Variants in DSCAML1 observed in about 807,000 individuals in gnomAD.
DSCAML1 encodes DS cell adhesion molecule like 1.
A neutral mutation model predicts 200.5 loss-of-function variants in DSCAML1; 38 were observed. That is an observed-to-expected ratio of 0.19 (90% confidence interval 0.15 to 0.25). The LOEUF (loss-of-function observed/expected upper bound fraction) is 0.25. Among genes scored for constraint, DSCAML1 ranks in the 10% least tolerant of loss-of-function variants. The pLI, the probability that DSCAML1 is intolerant of heterozygous loss-of-function variation, is 1.00. For synonymous variants in DSCAML1, 1,215 were observed against 1,165.0 expected (o/e 1.04, Z -0.87); for missense variants, 2,223 against 2,858.8 (o/e 0.78, Z 5.07).
At chr11:117,488,446 A>G (rs754748708) in intron 11 of DSCAML1, among the ~76,000 whole-genome samples, 1 of 152,184 alleles carries the variant, frequency 6.6e-6, no homozygotes, top group Non-Finnish European at 1.5e-5. Context: ...TGTACCTCAC[A>G]GGGCTTTTTG....
chr11:117,661,510 G>T (rs1030522504), intron 3 of DSCAML1, among the ~76,000 whole-genome samples: 2 of 152,182 alleles, frequency 1.3e-5, no homozygotes, highest in African/African-American at 4.8e-5. Flanking sequence ...TTGCAAGGTC[G>T]TAACTAGAGG....
intron 1 of DSCAML1, among the ~76,000 whole-genome samples, chr11:117,809,740 G>C (rs962416360): frequency 6.6e-6 from 1 of 152,088 alleles, no homozygotes. Flanking sequence ...GCCGCGCAGC[G>C]CTCCAGATGC....
intron 27 of DSCAML1, among the ~76,000 whole-genome samples, chr11:117,434,792 T>TCATC (rs572141989): frequency 5.5e-4 from 83 of 151,626 alleles, no homozygotes; most frequent in South Asian, 2.1e-3. Context: ...ATCCACCCAA[T>TCATC]CATCCATCCA....
chr11:117,727,049 C>A (rs552228500), intron 3 of DSCAML1, among the ~76,000 whole-genome samples: 49 of 152,060 alleles, frequency 3.2e-4, no homozygotes, highest in Non-Finnish European at 5.7e-4. Flanking sequence ...ACTATCCACA[C>A]CTTGTACATT....
chr11:117,559,333 C>T (rs1008881352), intron 3 of DSCAML1, among the ~76,000 whole-genome samples: 8 of 152,154 alleles, frequency 5.3e-5, no homozygotes, highest in African/African-American at 1.9e-4. Flanking sequence ...GCCAAATCTT[C>T]ACATTCCTTG....
intron 14 of DSCAML1, among the ~76,000 whole-genome samples, chr11:117,473,195 G>C (rs754147041): frequency 3.3e-5 from 5 of 152,054 alleles, no homozygotes; most frequent in Non-Finnish European, 7.4e-5. Context: ...TTTTTTTTTG[G>C]TTAAAACTAA....
rs1363563960 is a variant in DSCAML1 at position 117,782,258 on chromosome 11, C to T, written c.47-1448G>A. On this transcript the variant is annotated intron_variant, in intron 1 of 32. Coordinates refer to ENST00000651296, the MANE Select transcript of DSCAML1 (RefSeq NM_020693.4). ...ATACCAGGCAGCTCGTTGAGGAAGG[C>T]CATTAAGCCTCATTGGTCAGAGCAA... Among the ~76,000 whole-genome samples the T allele has an allele frequency of 6.6e-5, 10 of 152,162 alleles. 1 individual carries two copies. Among genetic ancestry groups the T allele is most frequent in the Admixed American group, 6.5e-4 (10 of 15,280 alleles).
intron 3 of DSCAML1, among the ~76,000 whole-genome samples, chr11:117,763,673 C>G (rs2054845392): frequency 6.6e-6 from 1 of 151,184 alleles, no homozygotes; most frequent in Non-Finnish European, 1.5e-5. Flanking sequence ...ACTGACACAG[C>G]CTCCCTTGCC....
intron 4 of DSCAML1, among the ~76,000 whole-genome samples, chr11:117,526,870 G>T (rs1483896394): frequency 6.6e-6 from 1 of 152,020 alleles, no homozygotes; most frequent in East Asian, 1.9e-4. Context: ...AGGCATAGTA[G>T]CTCATGCCTG....
In DSCAML1 at chr11:117,518,508, A is replaced by T; in HGVS notation, c.1468T>A (p.Leu490Met). The T allele has an allele frequency of 6.2e-7, 1 of 1,614,170 alleles. No homozygotes were observed. Among genetic ancestry groups the T allele is most frequent in the Non-Finnish European group, 8.5e-7 (1 of 1,180,022 alleles). Residue 490 changes from leucine to methionine, a missense_variant, in exon 7 of 33, where the codon TTG (leucine) becomes ATG (methionine). This residue lies in a region of DSCAML1 where 579 missense variants were observed against 721.5 expected (regional missense o/e 0.80). Transcript: ENST00000651296. This position sits in a 1 kb window ranked among gnomAD's most constrained non-coding sequence, Gnocchi z 6.3. ...GGVYRCTARN[L>M]VGSAEYQARI... ...GCCTGATATTCAGCACTGCCCACCA[A>T]GTTCCGCGCTGTGCACCGGTACACG...
At chr11:117,461,395 T>G in intron 18 of DSCAML1, 55 bp downstream of exon 18, 2 of 1,609,858 alleles carry the variant, frequency 1.2e-6, no homozygotes, top group Non-Finnish European at 1.7e-6. Context: ...GGAAGCAGAC[T>G]CCACTGACCT....
intron 3 of DSCAML1, among the ~76,000 whole-genome samples, chr11:117,550,195 C>A (rs2050444553): frequency 6.6e-6 from 1 of 152,184 alleles, no homozygotes; most frequent in Admixed American, 6.5e-5. Flanking sequence ...ATAATTTCCA[C>A]TATGTTCTAG....
At chr11:117,432,596 A>C in intron 29 of DSCAML1, 92 bp from the exon 30 acceptor site, 1 of 1,411,800 alleles carries the variant, frequency 7.1e-7, no homozygotes, top group Admixed American at 2.1e-5. Flanking sequence ...TCTTTATCCA[A>C]TGTGTTTTTT....
intron 3 of DSCAML1, among the ~76,000 whole-genome samples, chr11:117,643,946 C>T (rs1223527233): frequency 1.3e-5 from 2 of 152,238 alleles, no homozygotes; most frequent in Non-Finnish European, 2.9e-5. Flanking sequence ...CTGGAACGTT[C>T]AGCCCAAGCC....
intron 3 of DSCAML1, among the ~76,000 whole-genome samples, chr11:117,651,702 ACT>A (rs1469117593): frequency 8.5e-6 from 1 of 118,138 alleles, no homozygotes; most frequent in African/African-American, 3.4e-5. Context: ...ACAGAGCAAG[ACT>A]CTGTCTCAAA....
chr11:117,794,588 C>T (rs1220792977), intron 1 of DSCAML1, among the ~76,000 whole-genome samples: 3 of 151,958 alleles, frequency 2.0e-5, no homozygotes, highest in East Asian at 1.9e-4. Context: ...CACAGATGGA[C>T]GTACAAATTA....
At chr11:117,654,262 C>T (rs530819342) in intron 3 of DSCAML1, among the ~76,000 whole-genome samples, 2 of 152,292 alleles carry the variant, frequency 1.3e-5, no homozygotes, top group South Asian at 2.1e-4. Flanking sequence ...AGTTTTCTAA[C>T]ATTGACTGTA....
rs1370137332 is a variant in DSCAML1 at position 117,762,903 on chromosome 11, TTAATA to T, written c.511+13883_511+13887del. On this transcript the variant is annotated intron_variant, in intron 3 of 32. Coordinates refer to ENST00000651296, the MANE Select transcript of DSCAML1 (RefSeq NM_020693.4). The stretch of plus-strand genomic sequence containing the variant: ...TAATAATAATAATAATAATAATAAT[TTAATA>T]TATATGAAACTGTGCTGTAAACAGA... 3.9e-5 allele frequency among the ~76,000 whole-genome samples: 5 copies of T among 127,956 alleles called. No individual in the cohort carries two copies. In the East Asian group the frequency reaches 1.2e-3, roughly 30 times the overall value. 83.9% of individuals were successfully genotyped at this position (127,956 alleles called of 152,430 possible).
chr11:117,780,246 A>AAG lies in DSCAML1; in HGVS notation c.364+245_364+246dup, dbSNP rs1355683006. On this transcript the variant is annotated intron_variant, in intron 2 of 32. Coordinates refer to ENST00000651296, the MANE Select transcript of DSCAML1 (RefSeq NM_020693.4). The surrounding 1 kb of genome is among the most constrained non-coding windows in gnomAD (Gnocchi z 4.8). ...AAGAAAGAAAGGAAAGAAAGAAAGA[A>AAG]AGAAAGAAAGAAAGAAAGAAAGAAA... Among the ~76,000 whole-genome samples, 17 of 85,072 alleles carry AAG rather than the reference A, an allele frequency of 2.0e-4. No homozygotes were observed. Among genetic ancestry groups the AAG allele is most frequent in the African/African-American group, 6.3e-4 (16 of 25,534 alleles). 55.8% of individuals were successfully genotyped at this position (85,072 alleles called of 152,430 possible).
Sources: allele counts gnomAD v4.1 joint callset (sites outside exome capture counted in the v4.1 genomes callset), GRCh38; gene constraint gnomAD v4.1.1; regional missense constraint gnomAD v4.1.1; non-coding constraint Gnocchi (gnomAD v3.1); transcripts MANE v1.5; gene names NCBI Gene and HGNC (gene_info 2026-07-23, HGNC 2026-07-21).